ERP44: variants seen among roughly 807,000 people sequenced by gnomAD.
ERP44 encodes endoplasmic reticulum resident protein 44.
ERP44 carries 25 observed loss-of-function variants against 53.4 expected under a neutral mutation model. The observed-to-expected ratio is 0.47, with a 90% CI of 0.34 to 0.65. The LOEUF is 0.65. Among genes scored for constraint, ERP44 ranks in the 30% least tolerant of loss-of-function variants. The pLI, the probability that ERP44 is intolerant of heterozygous loss-of-function variation, is 0.01. For missense variants in ERP44, 338 were observed against 493.2 expected, an observed-to-expected ratio of 0.69 and a Z score of 2.98; for synonymous variants, 145 against 161.2, an observed-to-expected ratio of 0.90 and a Z score of 0.76.
At chr9:100,094,902 G>A (rs1413991806) in intron 1 of ERP44, among the ~76,000 whole-genome samples, 8 of 151,252 alleles carry the variant, frequency 5.3e-5, no homozygotes, top group Admixed American at 5.3e-4. Context: ...AGCCTCAGAG[G>A]TTGAGGCTGC....
At chr9:100,071,852 TG>T (rs1189339956) in intron 1 of ERP44, among the ~76,000 whole-genome samples, 6 of 151,882 alleles carry the variant, frequency 4.0e-5, no homozygotes, top group Non-Finnish European at 8.8e-5. Context: ...ACCCGGGAGG[TG>T]GAAGTTGCTG....
chr9:100,068,651 G>A (rs866920303), intron 1 of ERP44, among the ~76,000 whole-genome samples: 194 of 145,906 alleles, frequency 1.3e-3, no homozygotes, highest in African/African-American at 4.0e-3. Flanking sequence ...CAGCCGCCCC[G>A]TCCGGGAGGG....
intron 1 of ERP44, among the ~76,000 whole-genome samples, chr9:100,084,462 T>C (rs771324612): frequency 8.5e-5 from 13 of 152,202 alleles, no homozygotes; most frequent in Non-Finnish European, 7.3e-5. Flanking sequence ...TTTGCTTTAA[T>C]GGTATTGGTT....
chr9:99,995,291 AAGTT>A (rs780096104), intron 10 of ERP44, among the ~76,000 whole-genome samples: 5 of 152,226 alleles, frequency 3.3e-5, no homozygotes, highest in Non-Finnish European at 7.4e-5. Flanking sequence ...TATACAAAGA[AAGTT>A]AGTTTTATTT....
chr9:100,093,641 T>TGGA (rs201471579), intron 1 of ERP44, among the ~76,000 whole-genome samples: 1 of 148,806 alleles, frequency 6.7e-6, no homozygotes, highest in Non-Finnish European at 1.5e-5. Context: ...AGACCCTGTC[T>TGGA]GTGGGGGGGG....
At chr9:100,044,415 CTT>C (rs112189483) in intron 4 of ERP44, among the ~76,000 whole-genome samples, 1 of 144,268 alleles carries the variant, frequency 6.9e-6, no homozygotes. Flanking sequence ...AAATGAAATT[CTT>C]TTTTTTTTTA....
chr9:99,987,517 CAAAT>C (rs1830207723), intron 10 of ERP44, among the ~76,000 whole-genome samples: 1 of 152,198 alleles, frequency 6.6e-6, no homozygotes, highest in African/African-American at 2.4e-5. Flanking sequence ...CAAACTTTGA[CAAAT>C]GAATACAAGG....
intron 10 of ERP44, among the ~76,000 whole-genome samples, chr9:99,994,796 G>T (rs918401434): frequency 5.3e-5 from 8 of 152,092 alleles, no homozygotes; most frequent in Non-Finnish European, 1.2e-4. Context: ...TAGGTAATGT[G>T]AGTCCTCCAA....
At chr9:100,061,612 A>G (rs1293216984) in intron 1 of ERP44, among the ~76,000 whole-genome samples, 1 of 146,980 alleles carries the variant, frequency 6.8e-6, no homozygotes, top group East Asian at 1.9e-4. Context: ...ATATATTTAT[A>G]GAAATATATA....
intron 4 of ERP44, among the ~76,000 whole-genome samples, chr9:100,043,493 G>A (rs578075332): frequency 1.3e-5 from 2 of 151,916 alleles, no homozygotes; most frequent in African/African-American, 4.8e-5. Flanking sequence ...AGTGGCTCAC[G>A]CCTGTAGTCC....
At chr9:100,048,279 A>C (rs2118700887) in intron 4 of ERP44, among the ~76,000 whole-genome samples, 1 of 152,284 alleles carries the variant, frequency 6.6e-6, no homozygotes. Context: ...TATGTTAACA[A>C]ACCTGCACGT....
intron 1 of ERP44, among the ~76,000 whole-genome samples, chr9:100,094,033 GA>G (rs1182601785): frequency 6.6e-6 from 1 of 152,168 alleles, no homozygotes; most frequent in African/African-American, 2.4e-5. Flanking sequence ...TGCAAGTACA[GA>G]AATCTATCTC....
intron 4 of ERP44, among the ~76,000 whole-genome samples, chr9:100,022,659 T>G (rs1235597249): frequency 6.6e-6 from 1 of 152,146 alleles, no homozygotes; most frequent in Non-Finnish European, 1.5e-5. Flanking sequence ...GACAGCAGCA[T>G]ATAAGCTGGG....
At chr9:100,050,871 T>A (rs1015045824) in intron 4 of ERP44, among the ~76,000 whole-genome samples, 3 of 152,242 alleles carry the variant, frequency 2.0e-5, no homozygotes, top group African/African-American at 7.2e-5. Context: ...TATTAAATTT[T>A]CTTCCCAATG....
intron 1 of ERP44, among the ~76,000 whole-genome samples, chr9:100,062,650 C>T (rs1826164543): frequency 6.6e-6 from 1 of 152,192 alleles, no homozygotes. Context: ...ATCACTCAAA[C>T]ATCTATCATT....
intron 4 of ERP44, among the ~76,000 whole-genome samples, chr9:100,040,747 A>T (rs879343442): frequency 6.6e-6 from 1 of 152,220 alleles, no homozygotes; most frequent in African/African-American, 2.4e-5. Context: ...ATATGATCTT[A>T]TATTTTGAAA....
intron 6 of ERP44, 97 bp from the exon 7 acceptor site, chr9:100,018,410 A>C: frequency 2.6e-6 from 2 of 773,728 alleles, no homozygotes; most frequent in Non-Finnish European, 4.7e-6. Flanking sequence ...CATCTTCCCT[A>C]TTACAAGACT....
chr9:100,007,563 C>T lies in ERP44; in HGVS notation c.874+15G>A, dbSNP rs1275590322. 8.3e-7 allele frequency: 1 copy of T among 1,206,182 alleles called. No homozygotes were observed. The highest frequency in any genetic ancestry group is 1.5e-5 in the African/African-American group (1 of 67,186). 74.7% of individuals were successfully genotyped at this position (1,206,182 alleles called of 1,614,324 possible). The stretch of plus-strand genomic sequence containing the variant: ...GAGAAAGAAATGATGAAAATAAACA[C>T]CTTAATCTGTCTACCTTTTTCACTT... On this transcript the variant is annotated intron_variant, in intron 9 of 11. Transcript: ENST00000262455.
intron 8 of ERP44, among the ~76,000 whole-genome samples, chr9:100,011,294 T>C (rs1025595091): frequency 6.6e-6 from 1 of 152,182 alleles, no homozygotes; most frequent in Non-Finnish European, 1.5e-5. Flanking sequence ...GAGCAGTATT[T>C]TGAATTCTGT....
Sources: gnomAD v4.1 joint callset for allele counts (sites outside exome capture counted in the v4.1 genomes callset) on GRCh38, gnomAD v4.1.1 for gene constraint, MANE v1.5 for transcripts, NCBI Gene and HGNC (gene_info 2026-07-23, HGNC 2026-07-21) for gene names.